The following CNEP1R1 variants were observed in gnomAD, a reference collection of about 807,000 sequenced individuals.
The protein encoded by CNEP1R1 is CTD nuclear envelope phosphatase 1 regulatory subunit 1.
Under a neutral mutation model 22.7 loss-of-function variants are expected in CNEP1R1, and 10 were observed. The ratio of observed to expected loss-of-function variants is 0.44; its 90% CI spans 0.27 to 0.75. The LOEUF (loss-of-function observed/expected upper bound fraction) is 0.75. CNEP1R1 is among the 30% of genes least tolerant of loss of function. CNEP1R1 has a pLI of 0.17. For synonymous variants in CNEP1R1, 53 were observed against 50.1 expected (o/e 1.06, Z -0.25); for missense variants, 73 against 151.5 (o/e 0.48, Z 2.72).
Position 50,034,174 on chromosome 16 carries a change from T to A in CNEP1R1, c.336+18T>A. ...GTGATGATGTAAGTATTTTTTTGGT[T>A]AGAAAATTATAGACCTGCATGAAAA... On this transcript the variant is annotated intron_variant, in intron 5 of 5. Transcript: ENST00000427478. 1 of 1,525,234 alleles carries A rather than the reference T, an allele frequency of 6.6e-7. No individual in the cohort carries two copies. The highest frequency in any genetic ancestry group is 8.9e-7 in the Non-Finnish European group (1 of 1,118,306). The allele number at this position is 1,525,234 out of a possible 1,614,324, so 94.5% of individuals were successfully genotyped here.
Position 50,026,380 on chromosome 16 carries a change from A to T in CNEP1R1, c.26-16A>T, listed in dbSNP as rs373002381. On this transcript the variant is annotated splice_polypyrimidine_tract_variant and intron_variant, in intron 1 of 5. Coordinates refer to ENST00000427478, the MANE Select transcript of CNEP1R1 (RefSeq NM_001281789.2). Reference sequence around the variant, plus strand: ...GTAAGAGTGGCTAATTAGAAAATTGACATCTTTATACCTAGATCTCAAGGC... The same window carrying T: ...GTAAGAGTGGCTAATTAGAAAATTGTCATCTTTATACCTAGATCTCAAGGC... 1.3e-5 allele frequency: 20 copies of T among 1,585,080 alleles called. No individual in the cohort carries two copies. The East Asian group carries it at 4.3e-4, about 34-fold the overall frequency.
rs565729310 is a variant in CNEP1R1 at position 50,029,852 on chromosome 16, G to T, written c.171+54G>T. ...ATAATTAAATGAGATAATGGATATTGTAGTGCTTTGTTAATGATAAAGTAT... is the reference window on the plus strand; with the variant it reads ...ATAATTAAATGAGATAATGGATATTTTAGTGCTTTGTTAATGATAAAGTAT... On this transcript the variant is annotated intron_variant, in intron 3 of 5. Transcript: ENST00000427478. The T allele has an allele frequency of 2.6e-5, 26 of 1,003,120 alleles. No homozygotes were observed. In the Admixed American group the frequency reaches 3.9e-4, roughly 15 times the overall value. 62.1% of individuals were successfully genotyped at this position (1,003,120 alleles called of 1,614,324 possible).
chr16:50,029,279 G>C (rs2036212222), intron 2 of CNEP1R1, among the ~76,000 whole-genome samples: 1 of 152,156 alleles, frequency 6.6e-6, no homozygotes. Context: ...AACCATGGCA[G>C]TCATCTGCAA....
intron 4 of CNEP1R1, 129 bp downstream of exon 4, chr16:50,033,635 G>A (rs2036250266): frequency 4.6e-6 from 2 of 437,042 alleles, no homozygotes; most frequent in East Asian, 4.3e-5. Flanking sequence ...AGGCTGAGGT[G>A]GGTGGATTTC....
chr16:50,032,062 C>A (rs572888982), intron 3 of CNEP1R1, among the ~76,000 whole-genome samples: 1 of 152,298 alleles, frequency 6.6e-6, no homozygotes, highest in South Asian at 2.1e-4. Flanking sequence ...CTGGTATTTT[C>A]AGCCTCTCAT....
At chr16:50,026,275 T>G (rs1461208890) in intron 1 of CNEP1R1, 121 bp from the exon 2 acceptor site, 4 of 659,888 alleles carry the variant, frequency 6.1e-6, no homozygotes, top group Admixed American at 2.6e-5. Context: ...TGGAAGTTAG[T>G]GTGTAAGACC....
Position 50,034,096 on chromosome 16 carries a change from A to G in CNEP1R1, c.282-6A>G. 1 of 1,590,036 alleles carries G rather than the reference A, an allele frequency of 6.3e-7. No individual in the cohort carries two copies. Among genetic ancestry groups the G allele is most frequent in the Non-Finnish European group, 8.6e-7 (1 of 1,166,388 alleles). On this transcript the variant is annotated splice_polypyrimidine_tract_variant and splice_region_variant and intron_variant, in intron 4 of 5. Transcript: ENST00000427478. ...GAGAAATTTTCCTTTGACCACATGT[A>G]TTCAGTATAGCTGCTCGATGTCGAA...
At chr16:50,030,345 G>C (rs745313947) in intron 3 of CNEP1R1, among the ~76,000 whole-genome samples, 1 of 152,038 alleles carries the variant, frequency 6.6e-6, no homozygotes, top group Non-Finnish European at 1.5e-5. Context: ...GAGGTGGGAG[G>C]ATCACTTGAG....
intron 4 of CNEP1R1, 37 bp downstream of exon 4, chr16:50,033,543 G>T (rs1422943699): frequency 7.8e-6 from 9 of 1,155,188 alleles, no homozygotes; most frequent in Non-Finnish European, 1.2e-5. Flanking sequence ...ATTCTCTGAA[G>T]TGCTTTGTTG....
At chr16:50,034,230 C>A in intron 5 of CNEP1R1, 74 bp downstream of exon 5, 2 of 887,244 alleles carry the variant, frequency 2.3e-6, no homozygotes, top group Non-Finnish European at 3.7e-6. Flanking sequence ...GAAAGGTAGA[C>A]ATTTTATTAG....
chr16:50,030,524 T>C (rs867364205), intron 3 of CNEP1R1, among the ~76,000 whole-genome samples: 2 of 152,272 alleles, frequency 1.3e-5, no homozygotes, highest in Middle Eastern at 6.8e-3. Flanking sequence ...CATAAAACAC[T>C]GGAGATGACT....
intron 3 of CNEP1R1, among the ~76,000 whole-genome samples, chr16:50,032,456 C>T (rs1056700985): frequency 6.6e-6 from 1 of 152,160 alleles, no homozygotes; most frequent in Admixed American, 6.5e-5. Context: ...AGCTACTAAT[C>T]GTTTTTCCCT....
chr16:50,031,401 G>C (rs764069303), intron 3 of CNEP1R1, among the ~76,000 whole-genome samples: 3 of 152,096 alleles, frequency 2.0e-5, no homozygotes, highest in African/African-American at 4.8e-5. Context: ...AAACTCTCTT[G>C]TGTGTTCATT....
intron 5 of CNEP1R1, chr16:50,034,393 T>A: frequency 2.0e-6 from 1 of 501,478 alleles, no homozygotes; most frequent in Non-Finnish European, 3.6e-6. Context: ...TCTTTCTTAA[T>A]GACATAAAAT....
chr16:50,031,268 G>A (rs1175577892), intron 3 of CNEP1R1, among the ~76,000 whole-genome samples: 2 of 152,204 alleles, frequency 1.3e-5, no homozygotes, highest in South Asian at 4.1e-4. Context: ...AGCCAGAGAA[G>A]TTTATTTCGC....
Position 50,029,810 on chromosome 16 carries a change from G to A in CNEP1R1, c.171+12G>A, listed in dbSNP as rs763084942. 2.9e-5 allele frequency: 44 copies of A among 1,540,398 alleles called. No homozygotes were observed. The highest frequency in any genetic ancestry group is 3.7e-5 in the Non-Finnish European group (41 of 1,115,058). ...CTGAGACACAAAAGGTAGAAGTTTT[G>A]TTTTAAAATCATTAGCATAATTAAA... On this transcript the variant is annotated intron_variant, in intron 3 of 5. Coordinates refer to ENST00000427478, the MANE Select transcript of CNEP1R1 (RefSeq NM_001281789.2).
At chr16:50,032,966 T>G (rs1201254147) in intron 3 of CNEP1R1, among the ~76,000 whole-genome samples, 1 of 151,542 alleles carries the variant, frequency 6.6e-6, no homozygotes, top group South Asian at 2.1e-4. Context: ...GAATGTGTCA[T>G]TGCACTCCAG....
chr16:50,033,462 C>T lies in CNEP1R1; in HGVS notation c.237C>T (p.Gly79=). Residue 79 remains glycine, a synonymous_variant, in exon 4 of 6, where the codon GGC becomes GGT. Coordinates refer to ENST00000427478, the MANE Select transcript of CNEP1R1 (RefSeq NM_001281789.2). ...CCATTAGCTGTATCACTCTAATAGG[C>T]TTGTTCTTTGCTGGAATACACAAGA... ...FFTISCITLI[G]LFFAGIHKRV... 6.2e-7 allele frequency: 1 copy of T among 1,602,132 alleles called. No homozygotes were observed. Among genetic ancestry groups the T allele is most frequent in the South Asian group, 1.1e-5 (1 of 90,488 alleles).
At position 50,025,753 on chromosome 16, in the gene CNEP1R1, A is replaced by G. The variant is rs931095265; in HGVS notation, c.25+413A>G. 3.4e-6 allele frequency: 5 copies of G among 1,475,614 alleles called. No individual in the cohort carries two copies. The African/African-American group carries it at 6.9e-5, about 20-fold the overall frequency. 91.4% of individuals were successfully genotyped at this position (1,475,614 alleles called of 1,614,324 possible). Reference sequence around the variant, plus strand: ...AAGTTTAAAGCACACCACTGCGGAAAGGATACCCCACCACTCACTCGGAGC... The same window carrying G: ...AAGTTTAAAGCACACCACTGCGGAAGGGATACCCCACCACTCACTCGGAGC... On this transcript the variant is annotated intron_variant, in intron 1 of 5. Transcript: ENST00000427478.
Sources: gnomAD v4.1 joint callset for allele counts (sites outside exome capture counted in the v4.1 genomes callset) on GRCh38, gnomAD v4.1.1 for gene constraint, MANE v1.5 for transcripts, NCBI Gene and HGNC (gene_info 2026-07-23, HGNC 2026-07-21) for gene names.